The following TLL1 variants were observed in gnomAD, a reference collection of about 807,000 sequenced individuals.
TLL1 encodes the protein tolloid like 1.
TLL1 carries 49 observed loss-of-function variants against 128.2 expected under a neutral mutation model. That is an observed-to-expected ratio of 0.38 (90% CI 0.30 to 0.48). TLL1 has a LOEUF of 0.48. TLL1 is among the 20% of genes least tolerant of loss of function. The probability of loss-of-function intolerance (pLI) is 0.96; values close to 1 mark genes in which losing one functional copy is unlikely to be tolerated. For missense variants in TLL1, 1,123 were observed against 1,242.0 expected (o/e 0.90, Z 1.44); for synonymous variants, 454 against 418.8 (o/e 1.08, Z -1.03).
intron 1 of TLL1, among the ~76,000 whole-genome samples, chr4:165,912,137 A>G (rs925300143): frequency 3.9e-5 from 6 of 152,158 alleles, no homozygotes; most frequent in Admixed American, 3.9e-4. Context: ...GGCCTCCCAA[A>G]GTAATGGTGT....
chr4:165,914,894 A>G (rs1732710289), intron 1 of TLL1, among the ~76,000 whole-genome samples: 1 of 152,226 alleles, frequency 6.6e-6, no homozygotes, highest in African/African-American at 2.4e-5. Flanking sequence ...AATCTAGAAC[A>G]AAGGACATCA....
In TLL1 at chr4:166,074,883, G is replaced by A; in HGVS notation, c.2194G>A (p.Asp732Asn). The A allele has an allele frequency of 6.2e-7, 1 of 1,613,360 alleles. No homozygotes were observed. The highest frequency in any genetic ancestry group is 8.5e-7 in the Non-Finnish European group (1 of 1,179,498). The change falls in exon 17 of 21, where the codon GAT (aspartate) becomes AAT (asparagine). Residue 732 changes from aspartate (D) to asparagine (N), a missense_variant. By Grantham distance (23) the Asp-to-Asn change is conservative. Coordinates refer to ENST00000061240, the MANE Select transcript of TLL1 (RefSeq NM_012464.5). The part of the protein sequence containing the change: ...GFKAHFFSDK[D>N]ECSKDNGGCQ... ...GGGATTGATCTCTTTGCTAGACAAA[G>A]ATGAATGCTCTAAGGATAATGGTGG...
At chr4:166,095,522 A>T (rs1023298803) in intron 19 of TLL1, among the ~76,000 whole-genome samples, 1 of 152,070 alleles carries the variant, frequency 6.6e-6, no homozygotes, top group Non-Finnish European at 1.5e-5. Flanking sequence ...TTCTCTTGGG[A>T]CTTCTTTTCT....
At chr4:166,061,238 CTTTTTTTT>C in intron 15 of TLL1, among the ~76,000 whole-genome samples, 1 of 143,238 alleles carries the variant, frequency 7.0e-6, no homozygotes, top group East Asian at 2.1e-4. Flanking sequence ...TCCTCCTTTC[CTTTTTTTT>C]TTTTCTTTTT....
intron 1 of TLL1, among the ~76,000 whole-genome samples, chr4:165,974,889 C>A (rs1181796979): frequency 6.6e-6 from 1 of 152,068 alleles, no homozygotes; most frequent in Non-Finnish European, 1.5e-5. Context: ...GGAGGCAGAC[C>A]CTGTGATAGA....
chr4:166,060,332 CT>C, intron 15 of TLL1, 144 bp downstream of exon 15: 1 of 888,130 alleles, frequency 1.1e-6, no homozygotes, highest in African/African-American at 1.7e-5. Context: ...TCTGCAACTG[CT>C]TATGAATCTC....
intron 1 of TLL1, among the ~76,000 whole-genome samples, chr4:165,910,103 T>C (rs187010961): frequency 1.3e-5 from 2 of 152,242 alleles, no homozygotes; most frequent in East Asian, 3.9e-4. Context: ...AAGCACTAGC[T>C]GAGAATCAGG....
intron 1 of TLL1, among the ~76,000 whole-genome samples, chr4:165,897,343 G>A (rs988065304): frequency 2.8e-4 from 42 of 152,084 alleles, no homozygotes; most frequent in Non-Finnish European, 5.1e-4. Flanking sequence ...TTTCTTCTAA[G>A]GTTTTTATGG....
intron 9 of TLL1, among the ~76,000 whole-genome samples, chr4:166,037,506 A>C (rs1560827054): frequency 6.6e-6 from 1 of 152,202 alleles, no homozygotes; most frequent in East Asian, 1.9e-4. Flanking sequence ...TAAATGAACA[A>C]TTCTATTAAA....
intron 9 of TLL1, among the ~76,000 whole-genome samples, chr4:166,037,411 A>G (rs977055991): frequency 1.2e-4 from 18 of 152,212 alleles, no homozygotes; most frequent in African/African-American, 4.1e-4. Context: ...AAATTTTTGT[A>G]AACACTTAAA....
At chr4:165,991,322 T>A (rs1289307099) in intron 2 of TLL1, among the ~76,000 whole-genome samples, 2 of 151,992 alleles carry the variant, frequency 1.3e-5, no homozygotes, top group Non-Finnish European at 2.9e-5. Context: ...GGTACATGTT[T>A]GAAAGTTCAA....
intron 5 of TLL1, among the ~76,000 whole-genome samples, chr4:165,997,001 A>G (rs894042129): frequency 6.6e-6 from 1 of 152,016 alleles, no homozygotes; most frequent in African/African-American, 2.4e-5. Context: ...CTCATTTTAC[A>G]GTTCAAACTT....
intron 9 of TLL1, among the ~76,000 whole-genome samples, chr4:166,027,111 C>T (rs1738536424): frequency 6.6e-6 from 1 of 151,992 alleles, no homozygotes; most frequent in South Asian, 2.1e-4. Context: ...GCTAAAAGGC[C>T]ATAATCCTAA....
intron 19 of TLL1, among the ~76,000 whole-genome samples, chr4:166,092,015 G>C (rs1741797335): frequency 6.8e-6 from 1 of 146,396 alleles, no homozygotes; most frequent in South Asian, 2.2e-4. Context: ...AAAATATCTA[G>C]AGAATGTGCC....
chr4:165,962,434 G>T (rs1735153970), intron 1 of TLL1, among the ~76,000 whole-genome samples: 1 of 152,270 alleles, frequency 6.6e-6, no homozygotes, highest in South Asian at 2.1e-4. Flanking sequence ...GGTGTTGGCT[G>T]TGCTGGCAGA....
intron 1 of TLL1, among the ~76,000 whole-genome samples, chr4:165,919,352 C>T (rs1185403938): frequency 2.1e-5 from 3 of 144,596 alleles, no homozygotes; most frequent in Admixed American, 1.4e-4. Context: ...CACTGCACTC[C>T]AGCCTGGGTG....
chr4:165,961,872 A>G (rs1043078137), intron 1 of TLL1, among the ~76,000 whole-genome samples: 1 of 152,194 alleles, frequency 6.6e-6, no homozygotes, highest in Non-Finnish European at 1.5e-5. Flanking sequence ...ATATATGATC[A>G]TCTCAGTAGA....
Position 165,906,231 on chromosome 4 carries a change from A to G in TLL1, c.169+32158A>G, listed in dbSNP as rs995090498. Among the ~76,000 whole-genome samples, 2 of 152,206 alleles carry G rather than the reference A, an allele frequency of 1.3e-5. 1 individual carries two copies. The highest frequency in any genetic ancestry group is 1.3e-4 in the Admixed American group (2 of 15,270). On this transcript the variant is annotated intron_variant, in intron 1 of 20. Coordinates refer to ENST00000061240, the MANE Select transcript of TLL1 (RefSeq NM_012464.5). ...TATTTATTTTTCGGCCCTTTAAGAA[A>G]ATGCATGTTAACCTCTTAGTTAATT...
At chr4:165,878,006 C>G (rs546256017) in intron 1 of TLL1, among the ~76,000 whole-genome samples, 8 of 152,114 alleles carry the variant, frequency 5.3e-5, no homozygotes, top group Admixed American at 2.6e-4. Flanking sequence ...GAGTGAAAGT[C>G]CAAAAACCTA....
Sources: allele counts gnomAD v4.1 joint callset (sites outside exome capture counted in the v4.1 genomes callset), GRCh38; gene constraint gnomAD v4.1.1; transcripts MANE v1.5; gene names NCBI Gene and HGNC (gene_info 2026-07-23, HGNC 2026-07-21).